Variants in DDR2 observed in about 807,000 individuals in gnomAD.
DDR2 encodes the protein discoidin domain-containing receptor 2.
Under a neutral mutation model 94.9 loss-of-function variants are expected in DDR2, and 27 were observed. The ratio of observed to expected loss-of-function variants is 0.28; its 90% CI spans 0.21 to 0.39. DDR2 has a LOEUF of 0.39. Among genes scored for constraint, DDR2 ranks in the 10% least tolerant of loss-of-function variants. The pLI, the probability that DDR2 is intolerant of heterozygous loss-of-function variation, is 1.00. For missense variants in DDR2, 783 were observed against 1,076.0 expected (o/e 0.73, Z 3.81); for synonymous variants, 382 against 377.2 (o/e 1.01, Z -0.15).
At chr1:162,675,351 A>G (rs1297264424) in intron 2 of DDR2, among the ~76,000 whole-genome samples, 1 of 152,198 alleles carries the variant, frequency 6.6e-6, no homozygotes, top group Non-Finnish European at 1.5e-5. Context: ...CAGCAACCAC[A>G]GGACGAAAGC....
chr1:162,649,598 A>G (rs898688308), intron 1 of DDR2, among the ~76,000 whole-genome samples: 9 of 152,236 alleles, frequency 5.9e-5, no homozygotes, highest in East Asian at 1.9e-4. Flanking sequence ...CTACTCTGCA[A>G]TAACTCTGGT....
chr1:162,683,796 T>C lies in DDR2; in HGVS notation c.-28+28422T>C, dbSNP rs141748143. On this transcript the variant is annotated intron_variant, in intron 2 of 17. Coordinates refer to ENST00000367921, the MANE Select transcript of DDR2 (RefSeq NM_006182.4). ...TAGTAAAGACACAATATACTAAAGA[T>C]GGCAATTCTCCCCAAATCAATATAT... 5.5e-3 allele frequency among the ~76,000 whole-genome samples: 830 copies of C among 152,208 alleles called. 7 individuals are homozygous for C. Among genetic ancestry groups the C allele is most frequent in the African/African-American group, 0.019 (794 of 41,548 alleles).
At chr1:162,759,296 A>C (rs1215637915) in intron 7 of DDR2, among the ~76,000 whole-genome samples, 3 of 152,208 alleles carry the variant, frequency 2.0e-5, no homozygotes, top group African/African-American at 7.2e-5. Flanking sequence ...GAACAATGAC[A>C]ATATGTAGTT....
intron 3 of DDR2, among the ~76,000 whole-genome samples, chr1:162,744,784 G>A (rs1662771551): frequency 6.6e-6 from 1 of 151,966 alleles, no homozygotes; most frequent in East Asian, 1.9e-4. Flanking sequence ...CCATGTCTTG[G>A]CTTTTGTGAA....
rs184535697 is a variant in DDR2, at chr1:162,686,019, A to G, written c.-28+30645A>G. On this transcript the variant is annotated intron_variant, in intron 2 of 17. Coordinates refer to ENST00000367921, the MANE Select transcript of DDR2 (RefSeq NM_006182.4). ...GTGTTCTATTCACTTTGTTTTCCCC[A>G]CAGATCTGTAAGAGTGCCTGGAGCT... Among the ~76,000 whole-genome samples the G allele has an allele frequency of 3.3e-5, 5 of 152,200 alleles. No homozygotes were observed. In the East Asian group the frequency reaches 9.7e-4, roughly 29 times the overall value.
chr1:162,778,186 A>G (rs1009962211), intron 16 of DDR2, among the ~76,000 whole-genome samples: 28 of 152,324 alleles, frequency 1.8e-4, no homozygotes, highest in African/African-American at 6.0e-4. Flanking sequence ...CTGGTAAATG[A>G]GAGTCCTGGA....
chr1:162,651,705 C>T (rs1657701083), intron 1 of DDR2, among the ~76,000 whole-genome samples: 1 of 152,084 alleles, frequency 6.6e-6, no homozygotes, highest in South Asian at 2.1e-4. Flanking sequence ...GCTATTAAAA[C>T]AATAATCTAT....
intron 2 of DDR2, among the ~76,000 whole-genome samples, chr1:162,706,835 C>A (rs1370626394): frequency 6.6e-6 from 1 of 152,136 alleles, no homozygotes; most frequent in East Asian, 1.9e-4. Context: ...TTCTGCACTG[C>A]TTGGTTCAGA....
chr1:162,753,003 T>G, intron 3 of DDR2, 92 bp from the exon 4 acceptor site: 1 of 1,107,638 alleles, frequency 9.0e-7, no homozygotes, highest in South Asian at 1.3e-5. Context: ...CTCTTATTCC[T>G]TGTTCAATAT....
At chr1:162,737,021 T>C (rs1662330781) in intron 3 of DDR2, among the ~76,000 whole-genome samples, 1 of 152,244 alleles carries the variant, frequency 6.6e-6, no homozygotes, top group African/African-American at 2.4e-5. Flanking sequence ...CTTTCATTTC[T>C]TTTATGACTA....
chr1:162,777,362 A>G (rs1237096279), intron 16 of DDR2, among the ~76,000 whole-genome samples: 1 of 152,102 alleles, frequency 6.6e-6, no homozygotes, highest in African/African-American at 2.4e-5. Context: ...TTAACATTTT[A>G]TTATCTGCAT....
intron 8 of DDR2, among the ~76,000 whole-genome samples, chr1:162,760,382 A>G (rs759046293): frequency 4.0e-4 from 39 of 96,418 alleles, no homozygotes; most frequent in East Asian, 5.6e-4. Context: ...GTGTGTGTGT[A>G]TACACACACA....
chr1:162,698,294 C>T (rs1231263350), intron 2 of DDR2, among the ~76,000 whole-genome samples: 2 of 152,140 alleles, frequency 1.3e-5, no homozygotes, highest in African/African-American at 4.8e-5. Context: ...CAGGTAGACG[C>T]CCTCCTTACC....
At chr1:162,690,541 C>T (rs987241347) in intron 2 of DDR2, among the ~76,000 whole-genome samples, 1 of 152,160 alleles carries the variant, frequency 6.6e-6, no homozygotes, top group African/African-American at 2.4e-5. Flanking sequence ...AGATAGATTT[C>T]CTCGATGCTT....
intron 2 of DDR2, among the ~76,000 whole-genome samples, chr1:162,680,936 G>A (rs1407287930): frequency 6.6e-6 from 1 of 152,184 alleles, no homozygotes; most frequent in Non-Finnish European, 1.5e-5. Flanking sequence ...GGGTAAGTCA[G>A]TCTGGCTTCT....
intron 2 of DDR2, among the ~76,000 whole-genome samples, chr1:162,711,799 T>C (rs1000171825): frequency 3.6e-5 from 5 of 140,726 alleles, no homozygotes; most frequent in Admixed American, 1.4e-4. Flanking sequence ...CATACATATA[T>C]ACACACACAT....
At chr1:162,656,519 T>G (rs1408346627) in intron 2 of DDR2, among the ~76,000 whole-genome samples, 1 of 152,074 alleles carries the variant, frequency 6.6e-6, no homozygotes, top group Non-Finnish European at 1.5e-5. Flanking sequence ...ATGTCTTAGG[T>G]TTCCTTCTTC....
intron 17 of DDR2, among the ~76,000 whole-genome samples, chr1:162,779,051 C>A (rs1025528738): frequency 1.3e-5 from 2 of 152,092 alleles, no homozygotes; most frequent in Admixed American, 6.6e-5. Flanking sequence ...TGTGGTTTTT[C>A]TTCTGGGTCA....
intron 2 of DDR2, among the ~76,000 whole-genome samples, chr1:162,713,657 T>C (rs1661027126): frequency 6.6e-6 from 1 of 152,224 alleles, no homozygotes; most frequent in Non-Finnish European, 1.5e-5. Flanking sequence ...ACTTCAACCG[T>C]TGTAACTGTG....
Sources: gnomAD v4.1 joint callset for allele counts (sites outside exome capture counted in the v4.1 genomes callset) on GRCh38, gnomAD v4.1.1 for gene constraint, MANE v1.5 for transcripts, NCBI Gene and HGNC (gene_info 2026-07-23, HGNC 2026-07-21) for gene names.